Variants in CNTFR observed in about 807,000 individuals in gnomAD.
CNTFR encodes the protein ciliary neurotrophic factor receptor, also known as ciliary neurotrophic factor receptor subunit alpha.
In CNTFR, 12 loss-of-function variants were observed where a neutral mutation model predicts 40.4. The ratio of observed to expected loss-of-function variants is 0.30; its 90% CI spans 0.19 to 0.48. The LOEUF (loss-of-function observed/expected upper bound fraction) is 0.48, where lower values mean the gene tolerates loss of function less well. Among genes scored for constraint, CNTFR ranks in the 20% least tolerant of loss-of-function variants. CNTFR has a pLI of 0.99. For missense variants in CNTFR, 414 were observed against 506.8 expected (o/e 0.82, Z 1.76); for synonymous variants, 202 against 209.6 (o/e 0.96, Z 0.31).
Position 34,551,958 on chromosome 9 carries a change from G to A in CNTFR, c.*113C>T, listed in dbSNP as rs1387753640. 8.1e-6 allele frequency: 6 copies of A among 745,102 alleles called. No individual in the cohort carries two copies. The highest frequency in any genetic ancestry group is 1.2e-5 in the Non-Finnish European group (5 of 412,384). 46.2% of individuals were successfully genotyped at this position (745,102 alleles called of 1,614,324 possible). A position where few individuals can be genotyped will look rare whatever the true frequency, so the allele number is the denominator to read the frequency against. Reference sequence around the variant, plus strand: ...GGTCTCCACAAATTGTGTCTGAAGAGAATGCAAAAGGTCCTCCTGCCCGTG... The same window carrying A: ...GGTCTCCACAAATTGTGTCTGAAGAAAATGCAAAAGGTCCTCCTGCCCGTG... On this transcript the variant is annotated 3_prime_UTR_variant, in exon 10 of 10. Transcript: ENST00000378980.
At chr9:34,554,698 T>C (rs1267034042) in intron 7 of CNTFR, among the ~76,000 whole-genome samples, 2 of 152,156 alleles carry the variant, frequency 1.3e-5, no homozygotes, top group South Asian at 2.1e-4. Context: ...TCTTTTGCAA[T>C]TCCTGATCTG....
intron 2 of CNTFR, among the ~76,000 whole-genome samples, chr9:34,573,147 G>T (rs74424816): frequency 6.7e-3 from 1 of 150 alleles, no homozygotes; most frequent in African/African-American, 7.0e-3. Flanking sequence ...GCAATGTTCC[G>T]GGTTGCCCTG....
chr9:34,559,796 C>G (rs1825995467), intron 4 of CNTFR, among the ~76,000 whole-genome samples: 1 of 152,298 alleles, frequency 6.6e-6, no homozygotes, highest in Middle Eastern at 3.4e-3. Context: ...AGAGTCCGCT[C>G]CCTGCTGCCC....
Position 34,557,975 on chromosome 9 carries a change from C to T in CNTFR, c.329G>A (p.Arg110Gln). 2.6e-6 allele frequency: 4 copies of T among 1,543,024 alleles called. No homozygotes were observed. The highest frequency in any genetic ancestry group is 1.8e-4 in the Middle Eastern group (1 of 5,696). Residue 110 changes from arginine (R) to glutamine (Q), a missense_variant, in exon 5 of 10, where the codon CGG becomes CAG. Transcript: ENST00000378980. The surrounding 1 kb of genome is among the most constrained non-coding windows in gnomAD (Gnocchi z 4.2). ...QVLLHVGLPP[R>Q]EPVLSCRSNT... The stretch of plus-strand genomic sequence containing the variant: ...GGAGCGGCAGCTGAGCACAGGCTCC[C>T]GCGGCGGCACTGGGGGTGAGGACAG...
intron 6 of CNTFR, among the ~76,000 whole-genome samples, chr9:34,556,884 A>G (rs1039553394): frequency 1.3e-5 from 2 of 152,132 alleles, no homozygotes; most frequent in Admixed American, 6.5e-5. Context: ...CAAGGGTAAA[A>G]GACAGTCCAC....
intron 2 of CNTFR, among the ~76,000 whole-genome samples, chr9:34,573,895 G>C (rs570403918): frequency 6.6e-6 from 1 of 152,374 alleles, no homozygotes; most frequent in South Asian, 2.1e-4. Flanking sequence ...TAGACTTGGA[G>C]ATGGAGAAGG....
intron 4 of CNTFR, among the ~76,000 whole-genome samples, chr9:34,558,293 T>C (rs1825931826): frequency 6.6e-6 from 1 of 152,158 alleles, no homozygotes; most frequent in South Asian, 2.1e-4. Context: ...AGGTGATGTC[T>C]GGGGGAATCG....
At chr9:34,564,447 AAGAGCGGGCCAGG>A in intron 4 of CNTFR, 139 bp downstream of exon 4, 1 of 747,946 alleles carries the variant, frequency 1.3e-6, no homozygotes, top group Non-Finnish European at 2.2e-6. Flanking sequence ...CAGAGGCCAG[AAGAGCGGGCCAGG>A]ACAAAATCAG....
Position 34,557,929 on chromosome 9 carries a change from G to A in CNTFR, c.375C>T (p.Phe125=). 1 of 1,576,188 alleles carries A rather than the reference G, an allele frequency of 6.3e-7. No individual in the cohort carries two copies. Among genetic ancestry groups the A allele is most frequent in the Non-Finnish European group, 8.6e-7 (1 of 1,160,980 alleles). ...GGGTGGGCAGATGCCAGCTGCAGTA[G>A]AAGCCCTTGGGGTAAGTGTTGGAGC... ...SCRSNTYPKG[F]YCSWHLPTPT... The change falls in exon 5 of 10, where the codon TTC becomes TTT. Residue 125 remains phenylalanine, a synonymous_variant. Transcript: ENST00000378980. This position sits in a 1 kb window ranked among gnomAD's most constrained non-coding sequence, Gnocchi z 4.2.
chr9:34,590,445 C>G (rs1318995712), upstream of CNTFR, among the ~76,000 whole-genome samples: 1 of 152,196 alleles, frequency 6.6e-6, no homozygotes, highest in African/African-American at 2.4e-5. Context: ...GCCGGCTCCG[C>G]CTCTCCCCTA....
chr9:34,578,599 T>C (rs184962857), intron 2 of CNTFR, among the ~76,000 whole-genome samples: 194 of 152,244 alleles, frequency 1.3e-3, no homozygotes, highest in Admixed American at 6.8e-3. Flanking sequence ...ACCTTCCTCC[T>C]CCCGGGGTGA....
At chr9:34,572,075 C>G (rs1253745578) in intron 2 of CNTFR, among the ~76,000 whole-genome samples, 2 of 152,048 alleles carry the variant, frequency 1.3e-5, no homozygotes, top group Non-Finnish European at 2.9e-5. Flanking sequence ...GAGGCAAGAA[C>G]AGGGCCTTCC....
intron 2 of CNTFR, among the ~76,000 whole-genome samples, chr9:34,574,790 C>A (rs1826871104): frequency 6.6e-6 from 1 of 152,236 alleles, no homozygotes; most frequent in African/African-American, 2.4e-5. Flanking sequence ...CCATTCCCAG[C>A]CTCTTGCACC....
chr9:34,562,587 C>T (rs944921855), intron 4 of CNTFR, among the ~76,000 whole-genome samples: 5 of 152,170 alleles, frequency 3.3e-5, no homozygotes, highest in African/African-American at 9.7e-5. Flanking sequence ...CTTCTGACAG[C>T]GAGGCAAGTG....
At position 34,568,996 on chromosome 9, in the gene CNTFR, C is replaced by A; in HGVS notation, c.1-15G>T. ...GGAGCAGCCATCTGTTGGGAGAAAC[C>A]GGGGTGGGGGAGGGGTCAGCATCAG... On this transcript the variant is annotated splice_polypyrimidine_tract_variant and intron_variant, in intron 2 of 9. Coordinates refer to ENST00000378980, the MANE Select transcript of CNTFR (RefSeq NM_147164.3). 6.5e-7 allele frequency: 1 copy of A among 1,541,696 alleles called. No individual in the cohort carries two copies. The highest frequency in any genetic ancestry group is 8.8e-7 in the Non-Finnish European group (1 of 1,130,954).
rs1049136655 is a variant in CNTFR at position 34,589,477 on chromosome 9, C to G, written c.-112+78G>C. On this transcript the variant is annotated intron_variant, in intron 1 of 9. Coordinates refer to ENST00000378980, the MANE Select transcript of CNTFR (RefSeq NM_147164.3). This position sits in a 1 kb window ranked among gnomAD's most constrained non-coding sequence, Gnocchi z 4.4. ...CGGGTGTCCCCTCACTCTTCCCGCA[C>G]GCATGAGGGCCGCCGGTCTGCTGGT... is the stretch of plus-strand genomic sequence containing the variant. 6.6e-6 allele frequency: 1 copy of G among 151,922 alleles called. No homozygotes were observed. Among genetic ancestry groups the G allele is most frequent in the African/African-American group, 2.4e-5 (1 of 41,388 alleles). The allele number at this position is 151,922 out of a possible 1,614,324, so 9.4% of individuals were successfully genotyped here.
chr9:34,582,282 A>AAAAAAAAAC (rs1827338562), intron 1 of CNTFR: 4 of 20,998 alleles, frequency 1.9e-4, no homozygotes, highest in African/African-American at 4.3e-4. Flanking sequence ...ATGGCAAAAA[A>AAAAAAAAAC]AAAAAAAAAA....
In CNTFR at chr9:34,557,619, G is replaced by T; in HGVS notation, c.511C>A (p.Leu171Met). 1 of 1,614,242 alleles carries T rather than the reference G, an allele frequency of 6.2e-7. No individual in the cohort carries two copies. The highest frequency in any genetic ancestry group is 1.3e-5 in the African/African-American group (1 of 75,066). Reference sequence around the variant, plus strand: ...ACCTTGTACTTGATGGTGGAGAACAGGTGCATGTAGCGAATGTGGCAGCGG... The same window carrying T: ...ACCTTGTACTTGATGGTGGAGAACATGTGCATGTAGCGAATGTGGCAGCGG... ...KNRCHIRYMH[L>M]FSTIKYKVSI... Residue 171 changes from leucine (L) to methionine (M), a missense_variant, in exon 6 of 10, where the codon CTG (leucine) becomes ATG (methionine). By Grantham distance (15) the Leu-to-Met change is conservative. This residue lies in a region of CNTFR where 250 missense variants were observed against 269.5 expected (regional missense o/e 0.93). Transcript: ENST00000378980. This position sits in a 1 kb window ranked among gnomAD's most constrained non-coding sequence, Gnocchi z 4.2.
chr9:34,590,434 A>T (rs3808874), upstream of CNTFR, among the ~76,000 whole-genome samples: 4,670 of 152,158 alleles, frequency 0.031, 193 homozygotes, highest in East Asian at 0.084. Context: ...AGAAGAAGCC[A>T]GCCGGCTCCG....
Sources: allele counts gnomAD v4.1 joint callset (sites outside exome capture counted in the v4.1 genomes callset), GRCh38; gene constraint gnomAD v4.1.1; regional missense constraint gnomAD v4.1.1; non-coding constraint Gnocchi (gnomAD v3.1); transcripts MANE v1.5; gene names NCBI Gene and HGNC (gene_info 2026-07-23, HGNC 2026-07-21).